PDK1: variants seen among roughly 807,000 people sequenced by gnomAD.
PDK1 encodes pyruvate dehydrogenase kinase 1.
A neutral mutation model predicts 54.2 loss-of-function variants in PDK1; 39 were observed. The observed-to-expected ratio is 0.72, with a 90% CI of 0.56 to 0.94. PDK1 has a LOEUF of 0.94. PDK1 is among the 40% of genes least tolerant of loss of function. PDK1 has a pLI of 0.00. For missense variants in PDK1, 552 were observed against 566.0 expected, an observed-to-expected ratio of 0.98 and a Z score of 0.25; for synonymous variants, 221 against 207.1, an observed-to-expected ratio of 1.07 and a Z score of -0.58.
At chr2:172,563,442 A>G (rs1160558043) in intron 3 of PDK1, among the ~76,000 whole-genome samples, 1 of 152,246 alleles carries the variant, frequency 6.6e-6, no homozygotes, top group Non-Finnish European at 1.5e-5. Context: ...GAATAAGTTA[A>G]TAGTACTCAG....
the PDK1 span, among the ~76,000 whole-genome samples, chr2:172,660,081 A>G: frequency 6.6e-6 from 1 of 151,866 alleles, no homozygotes; most frequent in Non-Finnish European, 1.5e-5. Flanking sequence ...GAAAATAGAG[A>G]AAGGTGCAGG....
intron 6 of PDK1, 122 bp downstream of exon 6, chr2:172,567,055 G>C (rs1235355770): frequency 5.4e-6 from 3 of 552,444 alleles, no homozygotes; most frequent in Admixed American, 3.4e-5. Flanking sequence ...GAAGGCTAAA[G>C]GATAGTAATC....
chr2:172,610,766 A>G (rs1691437623), downstream of PDK1, among the ~76,000 whole-genome samples: 1 of 152,060 alleles, frequency 6.6e-6, no homozygotes, highest in South Asian at 2.1e-4. Context: ...GCCTGTCATC[A>G]TGCCCGGCTA....
At chr2:172,628,607 G>A in the PDK1 span, among the ~76,000 whole-genome samples, 1 of 152,068 alleles carries the variant, frequency 6.6e-6, no homozygotes. Flanking sequence ...TGGGTGAGTT[G>A]ATTTTGGAAA....
chr2:172,686,792 C>T, the PDK1 span, among the ~76,000 whole-genome samples: 29 of 152,232 alleles, frequency 1.9e-4, no homozygotes, highest in Non-Finnish European at 4.1e-4. Flanking sequence ...CAGAAAGAAC[C>T]AACTCCGGAC....
the PDK1 span, among the ~76,000 whole-genome samples, chr2:172,623,147 A>T: frequency 1.4e-5 from 2 of 144,082 alleles, no homozygotes; most frequent in Admixed American, 1.4e-4. Context: ...GAGACTGTTT[A>T]AAAAAAAAAA....
Position 172,595,846 on chromosome 2 carries a change from A to G in PDK1, c.1188A>G (p.Ser396=), listed in dbSNP as rs778764959. 4 of 1,613,890 alleles carry G rather than the reference A, an allele frequency of 2.5e-6. No individual in the cohort carries two copies. The South Asian group carries it at 3.3e-5, about 13-fold the overall frequency. The change falls in exon 11 of 11, where the codon TCA becomes TCG. Residue 396 remains serine, a synonymous_variant. Transcript: ENST00000282077. ...TTTTTCAGGCTCTGTCAACAGACTC[A>G]ATAGAAAGACTCCCAGTGTATAACA... ...VIYIKALSTD[S]IERLPVYNKA...
At position 172,558,820 on chromosome 2, in the gene PDK1, G is replaced by T; in HGVS notation, c.309G>T (p.Arg103Ser). 1 of 1,612,228 alleles carries T rather than the reference G, an allele frequency of 6.2e-7. No individual in the cohort carries two copies. The highest frequency in any genetic ancestry group is 8.5e-7 in the Non-Finnish European group (1 of 1,179,358). Residue 103 changes from arginine to serine, a missense_variant, in exon 2 of 11, where the codon AGG (arginine) becomes AGT (serine). Arg to Ser is a moderately radical substitution (Grantham distance 110). Coordinates refer to ENST00000282077, the MANE Select transcript of PDK1 (RefSeq NM_002610.5). ...GTCTCCTTCCAGATAATCTTCTCAG[G>T]ACACCATCCGTTCAATTGGTACAAA... is the stretch of plus-strand genomic sequence containing the variant. The part of the protein sequence containing the change: ...EISLLPDNLL[R>S]TPSVQLVQSW...
At chr2:172,646,402 A>G in the PDK1 span, among the ~76,000 whole-genome samples, 1 of 152,184 alleles carries the variant, frequency 6.6e-6, no homozygotes, top group African/African-American at 2.4e-5. Flanking sequence ...CTAATTTGAC[A>G]GCCTCATAGA....
intron 8 of PDK1, among the ~76,000 whole-genome samples, chr2:172,575,941 T>G (rs777331733): frequency 7.9e-5 from 12 of 152,178 alleles, no homozygotes; most frequent in Non-Finnish European, 1.6e-4. Flanking sequence ...TTTTGTTTGT[T>G]TTTTGAGACA....
At chr2:172,571,823 C>CT (rs36031428) in intron 8 of PDK1, among the ~76,000 whole-genome samples, 1,186 of 99,874 alleles carry the variant, frequency 0.012, 155 homozygotes, top group South Asian at 0.022. Flanking sequence ...TCTTTCTTTA[C>CT]TTTTTTTTTT....
chr2:172,573,522 CAT>C (rs977364962), intron 8 of PDK1, among the ~76,000 whole-genome samples: 23 of 151,070 alleles, frequency 1.5e-4, no homozygotes, highest in Admixed American at 1.3e-3. Context: ...TATACACACA[CAT>C]ACATATACAT....
intron 5 of PDK1, among the ~76,000 whole-genome samples, chr2:172,566,508 G>C (rs1458993273): frequency 6.6e-6 from 1 of 151,868 alleles, no homozygotes; most frequent in East Asian, 1.9e-4. Flanking sequence ...AGTGAGCCGA[G>C]ATAGCGCCAC....
At chr2:172,709,532 T>C in the PDK1 span, among the ~76,000 whole-genome samples, 1 of 152,212 alleles carries the variant, frequency 6.6e-6, no homozygotes, top group Non-Finnish European at 1.5e-5. Flanking sequence ...CAGCAAACTT[T>C]TCATACATTC....
chr2:172,557,643 G>A (rs1411714300), intron 1 of PDK1, among the ~76,000 whole-genome samples: 3 of 139,402 alleles, frequency 2.2e-5, no homozygotes, highest in African/African-American at 9.0e-5. Context: ...GTGTGTGTGT[G>A]TGTATTTTTT....
At chr2:172,653,376 G>A in the PDK1 span, among the ~76,000 whole-genome samples, 8,031 of 152,160 alleles carry the variant, frequency 0.053, 405 homozygotes, top group East Asian at 0.22. Context: ...GCTAAGGTGC[G>A]TGGATCACCT....
At chr2:172,702,660 T>C in the PDK1 span, among the ~76,000 whole-genome samples, 1 of 150,668 alleles carries the variant, frequency 6.6e-6, no homozygotes, top group Admixed American at 6.6e-5. Context: ...CAGCCAAAAA[T>C]GCTGGGCTCA....
At chr2:172,688,501 C>G in the PDK1 span, among the ~76,000 whole-genome samples, 1 of 152,182 alleles carries the variant, frequency 6.6e-6, no homozygotes, top group Non-Finnish European at 1.5e-5. Context: ...ATCTTACTGA[C>G]TGTTGTCTTG....
At chr2:172,594,009 A>G (rs1200343881) in intron 10 of PDK1, among the ~76,000 whole-genome samples, 4 of 151,690 alleles carry the variant, frequency 2.6e-5, no homozygotes, top group Non-Finnish European at 5.9e-5. Context: ...ATTGCGAGGG[A>G]AAAGGGCAAC....
Sources: allele counts gnomAD v4.1 joint callset (sites outside exome capture counted in the v4.1 genomes callset), GRCh38; gene constraint gnomAD v4.1.1; transcripts MANE v1.5; gene names NCBI Gene and HGNC (gene_info 2026-07-23, HGNC 2026-07-21).